Variants in OSBPL9 observed in about 807,000 individuals in gnomAD.
OSBPL9 encodes the protein oxysterol binding protein like 9, also known as oxysterol-binding protein-related protein 9.
In OSBPL9, 40 loss-of-function variants were observed where a neutral mutation model predicts 106.6. The observed-to-expected ratio is 0.38, with a 90% CI of 0.29 to 0.49. The LOEUF (loss-of-function observed/expected upper bound fraction) is 0.49. Among genes scored for constraint, OSBPL9 ranks in the 20% least tolerant of loss-of-function variants. The probability of loss-of-function intolerance (pLI) is 0.97; values close to 1 mark genes in which losing one functional copy is unlikely to be tolerated. For missense variants in OSBPL9, 609 were observed against 887.2 expected (o/e 0.69, Z 3.98); for synonymous variants, 269 against 295.4 (o/e 0.91, Z 0.92).
chr1:51,614,543 G>A (rs532280944), upstream of OSBPL9: 3 of 152,150 alleles, frequency 2.0e-5, no homozygotes, highest in East Asian at 3.9e-4. Context: ...GGCCTGAAGC[G>A]ATTCTCCCAC....
chr1:51,664,100 T>C (rs1338976485), intron 2 of OSBPL9, among the ~76,000 whole-genome samples: 1 of 152,238 alleles, frequency 6.6e-6, no homozygotes, highest in Non-Finnish European at 1.5e-5. Flanking sequence ...GCATATCCTG[T>C]GACCTAGCAA....
the OSBPL9 span, among the ~76,000 whole-genome samples, chr1:51,559,593 A>C: frequency 6.6e-6 from 1 of 152,108 alleles, no homozygotes; most frequent in Non-Finnish European, 1.5e-5. Flanking sequence ...ATGCATGTTA[A>C]AGTTTGAGAA....
At chr1:51,690,296 A>G (rs1483180179) in intron 3 of OSBPL9, among the ~76,000 whole-genome samples, 2 of 152,226 alleles carry the variant, frequency 1.3e-5, no homozygotes, top group Non-Finnish European at 2.9e-5. Flanking sequence ...GAACCCATTA[A>G]TCTACATTTG....
intron 2 of OSBPL9, among the ~76,000 whole-genome samples, chr1:51,654,440 A>G (rs1045272516): frequency 3.9e-5 from 6 of 152,120 alleles, no homozygotes; most frequent in Admixed American, 6.6e-5. Flanking sequence ...ATTATTTCCT[A>G]TTATTTACCA....
chr1:51,530,170 C>CAAAAAAA, the OSBPL9 span, among the ~76,000 whole-genome samples: 172 of 10,864 alleles, frequency 0.016, 26 homozygotes, highest in African/African-American at 0.04. Context: ...GACTCTGTCT[C>CAAAAAAA]AAAAAAAAAA....
chr1:51,698,919 G>T (rs1003009077), intron 3 of OSBPL9, among the ~76,000 whole-genome samples: 60 of 151,970 alleles, frequency 3.9e-4, no homozygotes, highest in Admixed American at 1.3e-3. Flanking sequence ...AGACATCTCT[G>T]GTGCTTCATA....
Position 51,729,913 on chromosome 1 carries a change from G to T in OSBPL9, c.319-15623G>T. ...TCGGGTCGAGGGGAGAAGAAAAAGG[G>T]GTGCTCGGGAGCAGCCCCCGGCTAC... On this transcript the variant is annotated intron_variant, in intron 4 of 23. Transcript: ENST00000428468. The surrounding 1 kb of genome is among the most constrained non-coding windows in gnomAD (Gnocchi z 5.1). The T allele has an allele frequency of 1.6e-6, 2 of 1,289,792 alleles. No homozygotes were observed. Among genetic ancestry groups the T allele is most frequent in the Non-Finnish European group, 2.0e-6 (2 of 1,010,660 alleles). 79.9% of individuals were successfully genotyped at this position (1,289,792 alleles called of 1,614,324 possible).
upstream of OSBPL9, chr1:51,617,069 C>T: frequency 7.1e-7 from 1 of 1,404,674 alleles, no homozygotes; most frequent in Non-Finnish European, 9.5e-7. Context: ...GCCATATAGG[C>T]GAGTGACGTC....
At chr1:51,665,550 T>C (rs1272457112) in intron 2 of OSBPL9, among the ~76,000 whole-genome samples, 3 of 152,152 alleles carry the variant, frequency 2.0e-5, no homozygotes, top group African/African-American at 7.2e-5. Flanking sequence ...GTTTTTGTCA[T>C]AGGAAATGAA....
intron 6 of OSBPL9, among the ~76,000 whole-genome samples, chr1:51,747,892 C>A (rs1010504842): frequency 6.6e-6 from 1 of 152,024 alleles, no homozygotes; most frequent in Admixed American, 6.6e-5. Flanking sequence ...CAGGTTCACG[C>A]CATTCTCCTG....
intron 10 of OSBPL9, 74 bp from the exon 11 acceptor site, chr1:51,761,793 C>G: frequency 8.6e-7 from 1 of 1,163,324 alleles, no homozygotes; most frequent in Non-Finnish European, 1.3e-6. Flanking sequence ...GATTTTGAAT[C>G]CCAGACAATT....
At chr1:51,574,203 G>A (rs1645169833), upstream of OSBPL9, 1 of 152,210 alleles carries the variant, frequency 6.6e-6, no homozygotes, top group Non-Finnish European at 1.5e-5. Flanking sequence ...CCCACTATTT[G>A]TGTATTATCA....
chr1:51,540,923 C>A, the OSBPL9 span, among the ~76,000 whole-genome samples: 3 of 150,398 alleles, frequency 2.0e-5, no homozygotes, highest in East Asian at 5.9e-4. Flanking sequence ...AGCGCCACTG[C>A]ACTCCAGCCT....
At chr1:51,670,264 T>C (rs1267709453) in intron 3 of OSBPL9, among the ~76,000 whole-genome samples, 2 of 152,236 alleles carry the variant, frequency 1.3e-5, no homozygotes, top group African/African-American at 2.4e-5. Context: ...GGTTTTGTTA[T>C]TTTGCCTTTC....
intron 4 of OSBPL9, among the ~76,000 whole-genome samples, chr1:51,721,618 A>G (rs1662138805): frequency 6.6e-6 from 1 of 152,096 alleles, no homozygotes; most frequent in Admixed American, 6.5e-5. Context: ...TCTTTTGAGC[A>G]TTTTTCTTGA....
intron 3 of OSBPL9, among the ~76,000 whole-genome samples, chr1:51,708,375 GT>G (rs1659071073): frequency 6.7e-6 from 1 of 149,936 alleles, no homozygotes. Context: ...CCAATATTTG[GT>G]CAGTTTTTAG....
intron 3 of OSBPL9, among the ~76,000 whole-genome samples, chr1:51,711,318 G>A (rs1215684760): frequency 5.4e-5 from 8 of 149,062 alleles, no homozygotes; most frequent in African/African-American, 1.7e-4. Flanking sequence ...CGGACGGGGC[G>A]GCTGGCCGGG....
the OSBPL9 span, chr1:51,519,133 A>C: frequency 8.5e-7 from 1 of 1,171,914 alleles, no homozygotes. Flanking sequence ...GAAGTCGGCG[A>C]AGCTGAGGGC....
At chr1:51,546,716 C>T in the OSBPL9 span, among the ~76,000 whole-genome samples, 1 of 149,026 alleles carries the variant, frequency 6.7e-6, no homozygotes, top group Non-Finnish European at 1.5e-5. Flanking sequence ...AAACAAAAAA[C>T]ACAACATAAC....
Sources: allele counts gnomAD v4.1 joint callset (sites outside exome capture counted in the v4.1 genomes callset), GRCh38; gene constraint gnomAD v4.1.1; non-coding constraint Gnocchi (gnomAD v3.1); transcripts MANE v1.5; gene names NCBI Gene and HGNC (gene_info 2026-07-23, HGNC 2026-07-21).